Variants in RARB observed in about 807,000 individuals in gnomAD.
RARB encodes the protein HBV-activated protein.
In RARB, 17 loss-of-function variants were observed where a neutral mutation model predicts 51.9. That is an observed-to-expected ratio of 0.33 (90% CI 0.22 to 0.49). The LOEUF (loss-of-function observed/expected upper bound fraction) is 0.49, where lower values mean the gene tolerates loss of function less well. Among genes scored for constraint, RARB ranks in the 20% least tolerant of loss-of-function variants. The probability of loss-of-function intolerance (pLI) is 0.99; values close to 1 mark genes in which losing one functional copy is unlikely to be tolerated. For synonymous variants in RARB, 215 were observed against 195.4 expected (o/e 1.10, Z -0.84); for missense variants, 369 against 550.8 (o/e 0.67, Z 3.30).
chr3:25,040,088 T>C (rs547425820), intron 2 of RARB, among the ~76,000 whole-genome samples: 3 of 152,244 alleles, frequency 2.0e-5, no homozygotes, highest in African/African-American at 7.2e-5. Flanking sequence ...GTAATGTGGG[T>C]TGCATGTACA....
At chr3:25,348,964 C>G (rs141369792) in intron 5 of RARB, among the ~76,000 whole-genome samples, 4 of 152,172 alleles carry the variant, frequency 2.6e-5, no homozygotes, top group African/African-American at 7.2e-5. Context: ...TGAAGACTCC[C>G]CAGGTTGCAT....
intron 2 of RARB, among the ~76,000 whole-genome samples, chr3:24,929,387 G>A (rs904325783): frequency 2.0e-5 from 3 of 152,100 alleles, no homozygotes; most frequent in Non-Finnish European, 2.9e-5. Flanking sequence ...AGAGTAAGCA[G>A]AAAAGTGACC....
At chr3:25,278,374 T>C (rs1449760911) in intron 5 of RARB, among the ~76,000 whole-genome samples, 1 of 152,216 alleles carries the variant, frequency 6.6e-6, no homozygotes, top group Non-Finnish European at 1.5e-5. Flanking sequence ...TTTCACTCTC[T>C]ACCCATTGGA....
intron 5 of RARB, among the ~76,000 whole-genome samples, chr3:25,187,374 G>A (rs1275492862): frequency 3.3e-5 from 5 of 152,028 alleles, no homozygotes; most frequent in African/African-American, 1.2e-4. Flanking sequence ...GGACAGGCAA[G>A]TGGGTAGGAT....
intron 5 of RARB, among the ~76,000 whole-genome samples, chr3:25,351,903 T>C (rs893845739): frequency 1.7e-4 from 26 of 152,178 alleles, no homozygotes; most frequent in African/African-American, 6.3e-4. Flanking sequence ...TTAACCAAGT[T>C]CTTCAAAGAT....
chr3:25,256,842 A>G (rs927141596), intron 5 of RARB, among the ~76,000 whole-genome samples: 10 of 149,698 alleles, frequency 6.7e-5, no homozygotes, highest in South Asian at 2.3e-4. Context: ...TGTGAAGATA[A>G]GAGGTGGCAC....
chr3:25,428,452 C>T lies in RARB; in HGVS notation c.-280C>T. The T allele has an allele frequency of 6.3e-6, 8 of 1,264,128 alleles. No homozygotes were observed. The highest frequency in any genetic ancestry group is 7.9e-6 in the Non-Finnish European group (8 of 1,006,454). 78.3% of individuals were successfully genotyped at this position (1,264,128 alleles called of 1,614,324 possible). On this transcript the variant is annotated 5_prime_UTR_variant, in exon 1 of 8. Coordinates refer to ENST00000330688, the MANE Select transcript of RARB (RefSeq NM_000965.5). ...ACGCATTCGGAAGGCTTTTTGCAAG[C>T]ATTTACTTGGAAGGAGAACTTGGGA... is the stretch of plus-strand genomic sequence containing the variant.
intron 5 of RARB, among the ~76,000 whole-genome samples, chr3:25,371,047 C>A (rs900658): frequency 0.43 from 64,511 of 151,714 alleles, 14,213 homozygotes; most frequent in East Asian, 0.77. Flanking sequence ...TTTAGGGCCC[C>A]CTTGGATTAT....
chr3:24,867,350 G>A (rs1427388661), intron 2 of RARB, among the ~76,000 whole-genome samples: 1 of 152,116 alleles, frequency 6.6e-6, no homozygotes, highest in Non-Finnish European at 1.5e-5. Context: ...AATGCAAGAT[G>A]GGAGTTGGTT....
At chr3:24,929,247 C>T (rs1029418891) in intron 2 of RARB, among the ~76,000 whole-genome samples, 1 of 151,858 alleles carries the variant, frequency 6.6e-6, no homozygotes, top group Non-Finnish European at 1.5e-5. Flanking sequence ...GGAGATGAAC[C>T]CAGGTACTAG....
At chr3:25,035,740 A>G (rs1697978699) in intron 2 of RARB, among the ~76,000 whole-genome samples, 1 of 152,160 alleles carries the variant, frequency 6.6e-6, no homozygotes, top group African/African-American at 2.4e-5. Flanking sequence ...CCCTTGTAGT[A>G]TGCAAGTAGC....
chr3:25,136,805 C>A (rs1267944363), intron 4 of RARB, among the ~76,000 whole-genome samples: 1 of 151,862 alleles, frequency 6.6e-6, no homozygotes, highest in Non-Finnish European at 1.5e-5. Context: ...CCATCCTTGG[C>A]TTAGAAGTTG....
intron 5 of RARB, among the ~76,000 whole-genome samples, chr3:25,290,329 C>T (rs183591543): frequency 1.3e-5 from 2 of 152,224 alleles, no homozygotes. Context: ...TGGGGGAAGA[C>T]CATGTAAAGA....
chr3:25,040,529 T>A lies in RARB; in HGVS notation c.-379-19596T>A, dbSNP rs148204963. Among the ~76,000 whole-genome samples, 3 of 152,226 alleles carry A rather than the reference T, an allele frequency of 2.0e-5. No homozygotes were observed. The East Asian group carries it at 5.8e-4, about 29-fold the overall frequency. ...CGGCAGATCGCTTGAGGACAGAAGT[T>A]CGAGACCAGCCTGGCCAACATGGTG... is the stretch of plus-strand genomic sequence containing the variant. On this transcript the variant is annotated intron_variant, in intron 2 of 11. Transcript: ENST00000383772.
At chr3:25,270,579 A>G (rs1703234540) in intron 5 of RARB, among the ~76,000 whole-genome samples, 1 of 152,194 alleles carries the variant, frequency 6.6e-6, no homozygotes, top group African/African-American at 2.4e-5. Flanking sequence ...CTGTAGACCT[A>G]AAAAAGAAGG....
At chr3:25,153,232 A>C (rs1197030310) in intron 4 of RARB, among the ~76,000 whole-genome samples, 1 of 152,084 alleles carries the variant, frequency 6.6e-6, no homozygotes. Context: ...AAACATGTGT[A>C]TAGCAATTAC....
At chr3:25,033,675 G>C (rs1257969274) in intron 2 of RARB, among the ~76,000 whole-genome samples, 1 of 152,152 alleles carries the variant, frequency 6.6e-6, no homozygotes, top group African/African-American at 2.4e-5. Flanking sequence ...ATTTCAGAGA[G>C]CAGTGGCTGC....
chr3:25,163,504 A>AAAAAAAAAAAAAAAAT (rs1303712411), intron 4 of RARB, among the ~76,000 whole-genome samples: 15 of 131,086 alleles, frequency 1.1e-4, no homozygotes, highest in African/African-American at 4.5e-4. Context: ...CCTATCTCAA[A>AAAAAAAAAAAAAAAAT]ATATATATAT....
At chr3:24,912,942 C>G (rs1313181045) in intron 2 of RARB, among the ~76,000 whole-genome samples, 1 of 135,196 alleles carries the variant, frequency 7.4e-6, no homozygotes, top group Non-Finnish European at 1.6e-5. Flanking sequence ...CCCATGGTAT[C>G]TAAAGTGGCA....
Sources: gnomAD v4.1 joint callset for allele counts (sites outside exome capture counted in the v4.1 genomes callset) on GRCh38, gnomAD v4.1.1 for gene constraint, MANE v1.5 for transcripts, NCBI Gene and HGNC (gene_info 2026-07-23, HGNC 2026-07-21) for gene names.